Variants in ENOX1 observed in about 807,000 individuals in gnomAD.
ENOX1 encodes the protein candidate growth-related and time keeping constitutive hydroquinone (NADH) oxidase.
In ENOX1, 42 loss-of-function variants were observed where a neutral mutation model predicts 82.5. The ratio of observed to expected loss-of-function variants is 0.51; its 90% CI spans 0.40 to 0.66. The LOEUF (loss-of-function observed/expected upper bound fraction) is 0.66. Ranked by LOEUF, ENOX1 falls within the 30% of genes least tolerant of loss-of-function variation. The pLI, the probability that ENOX1 is intolerant of heterozygous loss-of-function variation, is 0.00. For missense variants in ENOX1, 608 were observed against 811.6 expected (o/e 0.75, Z 3.05); for synonymous variants, 271 against 282.2 (o/e 0.96, Z 0.40).
chr13:43,718,998 T>C (rs1023911943), intron 1 of ENOX1, among the ~76,000 whole-genome samples: 2 of 152,054 alleles, frequency 1.3e-5, no homozygotes, highest in African/African-American at 4.8e-5. Context: ...ATTATCGTCA[T>C]CCTGTAATTT....
At chr13:43,285,560 A>AT (rs1455405986) in intron 12 of ENOX1, among the ~76,000 whole-genome samples, 48 of 151,830 alleles carry the variant, frequency 3.2e-4, no homozygotes, top group Admixed American at 5.9e-4. Context: ...TATAAGAAGG[A>AT]TTTTTTTTGC....
chr13:43,473,412 A>C (rs1044813784), intron 3 of ENOX1, among the ~76,000 whole-genome samples: 2 of 152,194 alleles, frequency 1.3e-5, no homozygotes, highest in African/African-American at 4.8e-5. Context: ...CAGTGATGGC[A>C]TTGTTCGGTA....
At chr13:43,571,455 G>C (rs781741847) in intron 2 of ENOX1, among the ~76,000 whole-genome samples, 3 of 151,768 alleles carry the variant, frequency 2.0e-5, no homozygotes, top group Non-Finnish European at 4.4e-5. Flanking sequence ...GAGGTGGGTG[G>C]ATCACCTGAG....
intron 2 of ENOX1, among the ~76,000 whole-genome samples, chr13:43,535,627 AG>A (rs1302734751): frequency 6.6e-6 from 1 of 152,158 alleles, no homozygotes; most frequent in Non-Finnish European, 1.5e-5. Context: ...AGGTGTTAAA[AG>A]TTTCAGCCCA....
At chr13:43,447,071 C>T (rs1324820828) in intron 3 of ENOX1, among the ~76,000 whole-genome samples, 5 of 152,200 alleles carry the variant, frequency 3.3e-5, no homozygotes, top group Admixed American at 6.5e-5. Context: ...TAGAATATTT[C>T]TTGAACACCT....
In ENOX1 at chr13:43,219,689, T is replaced by G. The variant is rs192243942; in HGVS notation, c.1800+4364A>C. On this transcript the variant is annotated intron_variant, in intron 16 of 16. Transcript: ENST00000690772. ...AGGTCATTTATAAAATCTGCTTGAT[T>G]TATTTTTTAATTTGCTCACTCTAGG... Among the ~76,000 whole-genome samples the G allele has an allele frequency of 7.9e-5, 12 of 152,340 alleles. No individual in the cohort carries two copies. In the East Asian group the frequency reaches 2.3e-3, roughly 29 times the overall value.
At chr13:43,594,337 T>G (rs543053163) in intron 2 of ENOX1, among the ~76,000 whole-genome samples, 2 of 152,358 alleles carry the variant, frequency 1.3e-5, no homozygotes, top group South Asian at 4.1e-4. Context: ...GATTAGTCTG[T>G]ACACATACAT....
chr13:43,564,484 G>T (rs1247541519), intron 2 of ENOX1, among the ~76,000 whole-genome samples: 2 of 152,012 alleles, frequency 1.3e-5, no homozygotes, highest in Non-Finnish European at 2.9e-5. Flanking sequence ...AATTTGAGGA[G>T]GAGGCCTAAA....
intron 2 of ENOX1, among the ~76,000 whole-genome samples, chr13:43,570,248 G>A (rs2080117553): frequency 6.6e-6 from 1 of 152,202 alleles, no homozygotes; most frequent in African/African-American, 2.4e-5. Flanking sequence ...AAATTAGAGG[G>A]TTTGGGAAAT....
intron 1 of ENOX1, among the ~76,000 whole-genome samples, chr13:43,688,753 A>G (rs549285358): frequency 6.7e-6 from 1 of 149,560 alleles, no homozygotes; most frequent in East Asian, 2.1e-4. Context: ...AGAAAGGGGC[A>G]CAGGAGAAGG....
chr13:43,568,459 G>A (rs1270530711), intron 2 of ENOX1, among the ~76,000 whole-genome samples: 2 of 152,138 alleles, frequency 1.3e-5, no homozygotes, highest in Non-Finnish European at 2.9e-5. Flanking sequence ...CATTAAGTGT[G>A]AGAAAATAAT....
At chr13:43,528,370 G>T (rs1395967906) in intron 2 of ENOX1, among the ~76,000 whole-genome samples, 1 of 152,050 alleles carries the variant, frequency 6.6e-6, no homozygotes, top group Non-Finnish European at 1.5e-5. Flanking sequence ...AACTAGAATT[G>T]TTGGATCAAA....
intron 3 of ENOX1, among the ~76,000 whole-genome samples, chr13:43,476,151 C>T (rs546433075): frequency 2.0e-5 from 3 of 152,150 alleles, no homozygotes; most frequent in South Asian, 4.2e-4. Context: ...TTACTGTAAT[C>T]GCTACAAATA....
At chr13:43,293,648 A>G (rs1470146234) in intron 12 of ENOX1, among the ~76,000 whole-genome samples, 1 of 152,228 alleles carries the variant, frequency 6.6e-6, no homozygotes, top group African/African-American at 2.4e-5. Flanking sequence ...TTCTCTAAAA[A>G]AAACGTACTT....
In ENOX1 at chr13:43,213,374, T is replaced by G. The variant is rs1262360330; in HGVS notation, c.*616A>C. 1 of 152,178 alleles carries G rather than the reference T, an allele frequency of 6.6e-6. No homozygotes were observed. The highest frequency in any genetic ancestry group is 1.9e-4 in the East Asian group (1 of 5,206). The allele number at this position is 152,178 out of a possible 1,614,324, so 9.4% of individuals were successfully genotyped here. ...AATATTCTTGATAAAGCATTCTCAA[T>G]GTGTCCAATCATATTTTCTGCCTCT... On this transcript the variant is annotated 3_prime_UTR_variant, in exon 17 of 17. Transcript: ENST00000690772.
intron 12 of ENOX1, among the ~76,000 whole-genome samples, chr13:43,292,310 T>C (rs573778966): frequency 6.6e-6 from 1 of 152,194 alleles, no homozygotes; most frequent in South Asian, 2.1e-4. Flanking sequence ...AAGCAGAAAC[T>C]TCAATTGGAA....
chr13:43,526,821 C>G (rs2078007698), intron 2 of ENOX1, among the ~76,000 whole-genome samples: 2 of 152,064 alleles, frequency 1.3e-5, no homozygotes. Flanking sequence ...GGTATTGAAA[C>G]TTAATGGCCA....
intron 2 of ENOX1, among the ~76,000 whole-genome samples, chr13:43,533,332 A>AT: frequency 6.6e-6 from 1 of 152,192 alleles, no homozygotes; most frequent in Middle Eastern, 3.4e-3. Flanking sequence ...CCTTCTCAAT[A>AT]TTTTGTGTCA....
At position 43,649,319 on chromosome 13, in the gene ENOX1, G is replaced by A. The variant is rs532020344; in HGVS notation, c.-219+18160C>T. ...CTCAACCCAGAGTTCCCAGACACAC[G>A]CAAACAATGCAGGGCAACGCAAATT... On this transcript the variant is annotated intron_variant, in intron 2 of 16. Coordinates refer to ENST00000690772, the MANE Select transcript of ENOX1 (RefSeq NM_001347969.2). Among the ~76,000 whole-genome samples the A allele has an allele frequency of 1.1e-4, 17 of 152,234 alleles. No homozygotes were observed. The South Asian group carries it at 2.7e-3, about 24-fold the overall frequency.
Sources: allele counts gnomAD v4.1 joint callset (sites outside exome capture counted in the v4.1 genomes callset), GRCh38; gene constraint gnomAD v4.1.1; transcripts MANE v1.5; gene names NCBI Gene and HGNC (gene_info 2026-07-23, HGNC 2026-07-21).